Variants in STAG3 observed in about 807,000 individuals in gnomAD.
STAG3 encodes STAG3 cohesin complex component, also known as cohesin subunit SA-3.
In STAG3, 101 loss-of-function variants were observed where a neutral mutation model predicts 160.7. That is an observed-to-expected ratio of 0.63 (90% CI 0.54 to 0.74). The LOEUF (loss-of-function observed/expected upper bound fraction) is 0.74. Ranked by LOEUF, STAG3 falls within the 30% of genes least tolerant of loss-of-function variation. The pLI, the probability that STAG3 is intolerant of heterozygous loss-of-function variation, is 0.00. For missense variants in STAG3, 1,188 were observed against 1,517.4 expected (o/e 0.78, Z 3.61); for synonymous variants, 519 against 585.0 (o/e 0.89, Z 1.63).
chr7:100,210,829 C>T (rs886976743), intron 29 of STAG3, among the ~76,000 whole-genome samples, 182 bp from the exon 30 acceptor site: 4 of 152,172 alleles, frequency 2.6e-5, no homozygotes, highest in African/African-American at 9.7e-5. Flanking sequence ...CTTTTTGGTA[C>T]ATAGGGCTAT....
chr7:100,216,571 C>T (rs1436978428), downstream of STAG3, among the ~76,000 whole-genome samples: 10 of 152,050 alleles, frequency 6.6e-5, no homozygotes, highest in Non-Finnish European at 1.5e-4. Flanking sequence ...GAGGCCAAGG[C>T]GGGCAGATCA....
At chr7:100,199,899 C>A (rs866009209) in intron 16 of STAG3, among the ~76,000 whole-genome samples, 194 of 122,118 alleles carry the variant, frequency 1.6e-3, no homozygotes, top group East Asian at 2.1e-3. Flanking sequence ...ACTAAAAATA[C>A]AAAAAAAAAA....
At chr7:100,196,298 A>G (rs1021028872) in intron 9 of STAG3, among the ~76,000 whole-genome samples, 4 of 150,326 alleles carry the variant, frequency 2.7e-5, no homozygotes, top group African/African-American at 9.8e-5. Context: ...TTTTTTTGGC[A>G]GGGACGGAGT....
intron 13 of STAG3, 23 bp downstream of exon 13, chr7:100,198,605 T>G (rs1434282256): frequency 6.3e-7 from 1 of 1,599,074 alleles, no homozygotes. Flanking sequence ...CCTTTTATGT[T>G]TCTTTAACAC....
chr7:100,203,675 C>T (rs987731893), intron 25 of STAG3, among the ~76,000 whole-genome samples: 18 of 151,776 alleles, frequency 1.2e-4, no homozygotes, highest in African/African-American at 3.9e-4. Context: ...CCACCACGCC[C>T]GGCTAATTTT....
At chr7:100,185,107 C>T (rs763302828) in intron 4 of STAG3, among the ~76,000 whole-genome samples, 36 of 152,104 alleles carry the variant, frequency 2.4e-4, no homozygotes, top group Non-Finnish European at 1.2e-4. Flanking sequence ...GGTGCTATCA[C>T]GGCTCCCTGC....
intron 31 of STAG3, 115 bp downstream of exon 31, chr7:100,211,654 A>T (rs900693722): frequency 7.1e-7 from 1 of 1,416,658 alleles, no homozygotes; most frequent in African/African-American, 1.4e-5. Flanking sequence ...TTTTAGCCAC[A>T]GAGCACTTCC....
chr7:100,213,637 T>G, intron 32 of STAG3, 98 bp from the exon 33 acceptor site: 1 of 1,589,672 alleles, frequency 6.3e-7, no homozygotes, highest in Non-Finnish European at 8.5e-7. Flanking sequence ...TGTGCCCATA[T>G]TTGTTCTTAT....
At chr7:100,198,231 C>T in intron 12 of STAG3, 65 bp downstream of exon 12, 3 of 1,480,798 alleles carry the variant, frequency 2.0e-6, no homozygotes, top group Non-Finnish European at 2.8e-6. Context: ...CATCTCCCTC[C>T]ACCTGTCATA....
chr7:100,213,348 T>C, intron 32 of STAG3: 1 of 985,240 alleles, frequency 1.0e-6, no homozygotes, highest in Non-Finnish European at 1.2e-6. Context: ...TCTTCTGTTC[T>C]CTTCTCTGCA....
At chr7:100,198,288 G>C (rs1800825475) in intron 12 of STAG3, 122 bp downstream of exon 12, 1 of 1,103,264 alleles carries the variant, frequency 9.1e-7, no homozygotes, top group Non-Finnish European at 1.4e-6. Flanking sequence ...TTCCTGAGTT[G>C]CAGTATGTTG....
intron 2 of STAG3, 84 bp downstream of exon 2, chr7:100,180,756 G>A (rs145715859): frequency 0.011 from 9,533 of 835,124 alleles, 98 homozygotes; most frequent in Middle Eastern, 0.031. Flanking sequence ...GATAATATGC[G>A]TGGGACTGTG....
Position 100,204,749 on chromosome 7 carries a change from C to T in STAG3, c.2925C>T (p.Asn975=). 2 of 1,613,846 alleles carry T rather than the reference C, an allele frequency of 1.2e-6. No homozygotes were observed. Among genetic ancestry groups the T allele is most frequent in the Non-Finnish European group, 1.7e-6 (2 of 1,179,978 alleles). ...GTTTTGGACCCCAGCAGCTGCAGAACCGTGACCTCGTGGTCATGCTACACA... is the reference window on the plus strand; with the variant it reads ...GTTTTGGACCCCAGCAGCTGCAGAATCGTGACCTCGTGGTCATGCTACACA... ...ALSFGPQQLQ[N]RDLVVMLHKE... is the part of the protein sequence containing the mutation. The change falls in exon 27 of 34, where the codon AAC becomes AAT. Residue 975 remains asparagine, a synonymous_variant. Transcript: ENST00000615138.
chr7:100,189,316 G>A, intron 7 of STAG3, 129 bp from the exon 8 acceptor site: 1 of 1,105,390 alleles, frequency 9.0e-7, no homozygotes, highest in Non-Finnish European at 1.3e-6. Flanking sequence ...GCCGTCTTAG[G>A]ATTTTAGGGT....
Position 100,211,153 on chromosome 7 carries a change from A to G in STAG3, c.3381A>G (p.Glu1127=). 6.3e-7 allele frequency: 1 copy of G among 1,599,486 alleles called. No individual in the cohort carries two copies. Among genetic ancestry groups the G allele is most frequent in the Non-Finnish European group, 8.5e-7 (1 of 1,173,094 alleles). Residue 1127 remains glutamate (E), a synonymous_variant, in exon 30 of 34, where the codon GAA becomes GAG. Coordinates refer to ENST00000615138, the MANE Select transcript of STAG3 (RefSeq NM_001282717.2). ...TGTGGGGGTTGAAAGAGATGGAGGA[A>G]GAAGATGGCTCAGAGTTGGATTTTG... ...QPLWGLKEME[E]EDGSELDFAQ... is the part of the protein sequence containing the mutation.
Position 100,211,835 on chromosome 7 carries a change from A to G in STAG3, c.3559A>G (p.Ile1187Val). 1 of 1,614,118 alleles carries G rather than the reference A, an allele frequency of 6.2e-7. No individual in the cohort carries two copies. Among genetic ancestry groups the G allele is most frequent in the South Asian group, 1.1e-5 (1 of 91,084 alleles). ...MEEDEEEELEIQDESNEERQD... is the reference protein window; with the variant it reads ...MEEDEEEELEVQDESNEERQD... ...AGAGGACGAGGAAGAAGAGTTAGAA[A>G]TCCAGGATGAGTCAAATGAAGAACG... is the stretch of plus-strand genomic sequence containing the variant. The change falls in exon 32 of 34, where the codon ATC (isoleucine) becomes GTC (valine). Residue 1187 changes from isoleucine to valine, a missense_variant. Transcript: ENST00000615138.
chr7:100,201,566 T>C (rs531158934), intron 21 of STAG3: 14 of 633,540 alleles, frequency 2.2e-5, no homozygotes, highest in Non-Finnish European at 3.6e-5. Flanking sequence ...AGGATAATAT[T>C]GAGGGATTCT....
intron 2 of STAG3, among the ~76,000 whole-genome samples, chr7:100,181,206 A>G (rs1799626373): frequency 6.6e-6 from 1 of 152,044 alleles, no homozygotes; most frequent in South Asian, 2.1e-4. Context: ...ATTTATTACC[A>G]TATATGAGTT....
chr7:100,178,673 G>A (rs1221270211), intron 1 of STAG3, among the ~76,000 whole-genome samples: 2 of 150,016 alleles, frequency 1.3e-5, no homozygotes, highest in African/African-American at 4.9e-5. Context: ...CGATGCTCCC[G>A]CTTCGCCCTC....
Sources: gnomAD v4.1 joint callset for allele counts (sites outside exome capture counted in the v4.1 genomes callset) on GRCh38, gnomAD v4.1.1 for gene constraint, MANE v1.5 for transcripts, NCBI Gene and HGNC (gene_info 2026-07-23, HGNC 2026-07-21) for gene names.